The following FAM53A variants were observed in gnomAD, a reference collection of about 807,000 sequenced individuals.
The protein encoded by FAM53A is protein FAM53A.
FAM53A carries 28 observed loss-of-function variants against 26.6 expected under a neutral mutation model. That is an observed-to-expected ratio of 1.05 (90% CI 0.78 to 1.45). FAM53A has a LOEUF of 1.45. Among genes scored for constraint, FAM53A ranks in the 40% most tolerant of loss-of-function variants. The probability of loss-of-function intolerance (pLI) is 0.00; values close to 1 mark genes in which losing one functional copy is unlikely to be tolerated. For synonymous variants in FAM53A, 290 were observed against 253.1 expected (o/e 1.15, Z -1.38); for missense variants, 650 against 575.8 (o/e 1.13, Z -1.32).
chr4:1,635,006 C>G (rs914861213), downstream of FAM53A, among the ~76,000 whole-genome samples: 1 of 152,106 alleles, frequency 6.6e-6, no homozygotes, highest in Non-Finnish European at 1.5e-5. Flanking sequence ...GGACTATTTA[C>G]AGGTTCTCTT....
upstream of FAM53A, among the ~76,000 whole-genome samples, chr4:1,685,070 C>T (rs565109157): frequency 2.0e-5 from 3 of 152,272 alleles, no homozygotes; most frequent in Admixed American, 6.5e-5. Flanking sequence ...TCCAGCCTCC[C>T]GTGCTGGGGC....
At chr4:1,592,522 G>A in the FAM53A span, among the ~76,000 whole-genome samples, 6 of 152,136 alleles carry the variant, frequency 3.9e-5, no homozygotes, top group African/African-American at 1.4e-4. Context: ...GAAAACAGGG[G>A]CAGGAGAGGG....
At chr4:1,615,470 C>G (rs1174842076), downstream of FAM53A, among the ~76,000 whole-genome samples, 1 of 141,304 alleles carries the variant, frequency 7.1e-6, no homozygotes, top group Admixed American at 7.3e-5. Context: ...ACATGGAAGA[C>G]AGGATGCAGC....
At chr4:1,612,545 G>A in the FAM53A span, among the ~76,000 whole-genome samples, 3 of 152,028 alleles carry the variant, frequency 2.0e-5, no homozygotes, top group African/African-American at 7.2e-5. Context: ...CACCCACACG[G>A]ACCTGCACCC....
upstream of FAM53A, among the ~76,000 whole-genome samples, chr4:1,684,625 A>G (rs1479719272): frequency 6.6e-6 from 1 of 151,650 alleles, no homozygotes; most frequent in Non-Finnish European, 1.5e-5. Flanking sequence ...CGGCGACCTG[A>G]GGCGGCGGGG....
chr4:1,648,432 AGG>A (rs1712437937), intron 4 of FAM53A, among the ~76,000 whole-genome samples: 1 of 152,104 alleles, frequency 6.6e-6, no homozygotes, highest in South Asian at 2.1e-4. Context: ...AGCTGGAAAG[AGG>A]GAGAGCAGGC....
chr4:1,651,059 A>G (rs1453197008), intron 4 of FAM53A, among the ~76,000 whole-genome samples: 1 of 150,932 alleles, frequency 6.6e-6, no homozygotes, highest in Admixed American at 6.6e-5. Flanking sequence ...TGTACTAAAA[A>G]TACAAAAATT....
chr4:1,597,721 C>T, the FAM53A span, among the ~76,000 whole-genome samples: 86,948 of 152,136 alleles, frequency 0.57, 25,360 homozygotes, highest in African/African-American at 0.65. Context: ...ACCAGCCGGG[C>T]GCGGTGGCTC....
intron 1 of FAM53A, among the ~76,000 whole-genome samples, chr4:1,674,798 G>A (rs1714923654): frequency 6.6e-6 from 1 of 152,214 alleles, no homozygotes. Context: ...CACAATGTCA[G>A]GCCCGTCTCC....
chr4:1,685,735 G>A (rs1577171103), upstream of FAM53A, among the ~76,000 whole-genome samples: 3 of 152,284 alleles, frequency 2.0e-5, no homozygotes, highest in Admixed American at 1.3e-4. Context: ...CTTCGCTGGG[G>A]TCCGGTAATC....
the FAM53A span, among the ~76,000 whole-genome samples, chr4:1,608,560 G>T: frequency 6.6e-6 from 1 of 152,202 alleles, no homozygotes; most frequent in African/African-American, 2.4e-5. Context: ...CCCCTGGTGG[G>T]AGGGCCCAGT....
rs188771002 is a variant in FAM53A at position 1,665,179 on chromosome 4, G to A, written c.75+3488C>T. On this transcript the variant is annotated intron_variant, in intron 2 of 4. Transcript: ENST00000308132. ...AAAATACAAAAAAAATTAGCCGGGC[G>A]TGGTGGCGCATGCCTGTAGTCCCAC... Among the ~76,000 whole-genome samples the A allele has an allele frequency of 6.4e-3, 978 of 152,004 alleles. 11 individuals are homozygous for A. Among genetic ancestry groups the A allele is most frequent in the African/African-American group, 0.022 (917 of 41,438 alleles).
intron 1 of FAM53A, among the ~76,000 whole-genome samples, chr4:1,633,748 C>T (rs1715716184): frequency 6.6e-6 from 1 of 151,998 alleles, no homozygotes; most frequent in East Asian, 1.9e-4. Flanking sequence ...TCAGAGCAGC[C>T]CAGGAGATTG....
intron 1 of FAM53A, among the ~76,000 whole-genome samples, chr4:1,621,308 G>A (rs1715024832): frequency 6.6e-6 from 1 of 152,004 alleles, no homozygotes; most frequent in African/African-American, 2.4e-5. Flanking sequence ...GTTTCACCAT[G>A]TTAGCCGGGA....
intron 1 of FAM53A, among the ~76,000 whole-genome samples, chr4:1,672,652 A>G (rs577956756): frequency 4.2e-4 from 64 of 152,198 alleles, no homozygotes; most frequent in African/African-American, 1.4e-3. Context: ...AAGGAAAAAC[A>G]GTAACAGCAG....
the FAM53A span, among the ~76,000 whole-genome samples, chr4:1,587,608 G>A: frequency 6.6e-6 from 1 of 152,112 alleles, no homozygotes; most frequent in African/African-American, 2.4e-5. Flanking sequence ...GGAGGCAGAA[G>A]TTGCAGTGAG....
At chr4:1,611,181 C>A in the FAM53A span, among the ~76,000 whole-genome samples, 3 of 152,340 alleles carry the variant, frequency 2.0e-5, no homozygotes, top group Middle Eastern at 3.4e-3. Context: ...GGGCGGTGTC[C>A]CTCATTTGCA....
At chr4:1,628,712 A>G (rs1424691163) in intron 1 of FAM53A, among the ~76,000 whole-genome samples, 7 of 2,902 alleles carry the variant, frequency 2.4e-3, no homozygotes, top group South Asian at 0.033. Context: ...GGCATGGGGG[A>G]GGGTGGCATG....
intron 1 of FAM53A, among the ~76,000 whole-genome samples, chr4:1,681,486 T>C (rs1308349004): frequency 6.6e-6 from 1 of 151,226 alleles, no homozygotes; most frequent in Non-Finnish European, 1.5e-5. Flanking sequence ...TTCGAAGTGT[T>C]CCTTTTGCAA....
Sources: allele counts gnomAD v4.1 joint callset (sites outside exome capture counted in the v4.1 genomes callset), GRCh38; gene constraint gnomAD v4.1.1; transcripts MANE v1.5; gene names NCBI Gene and HGNC (gene_info 2026-07-23, HGNC 2026-07-21).